The following PLCE1 variants were observed in gnomAD, a reference collection of about 807,000 sequenced individuals.
PLCE1 encodes the protein phospholipase C epsilon 1, also known as 1-phosphatidylinositol 4,5-bisphosphate phosphodiesterase epsilon-1.
Under a neutral mutation model 242.8 loss-of-function variants are expected in PLCE1, and 119 were observed. The observed-to-expected ratio is 0.49, with a 90% CI of 0.42 to 0.57. PLCE1 has a LOEUF of 0.57. Ranked by LOEUF, PLCE1 falls within the 20% of genes least tolerant of loss-of-function variation. The probability of loss-of-function intolerance (pLI) is 0.00; values close to 1 mark genes in which losing one functional copy is unlikely to be tolerated. For synonymous variants in PLCE1, 945 were observed against 1,017.4 expected, an observed-to-expected ratio of 0.93 and a Z score of 1.35; for missense variants, 2,441 against 2,788.8, an observed-to-expected ratio of 0.88 and a Z score of 2.81.
Position 94,283,831 on chromosome 10 carries a change from G to T in PLCE1, c.4837G>T (p.Asp1613Tyr). 1.2e-6 allele frequency: 2 copies of T among 1,612,258 alleles called. No individual in the cohort carries two copies. The highest frequency in any genetic ancestry group is 2.2e-5 in the South Asian group (2 of 90,954). Residue 1613 changes from aspartate to tyrosine, a missense_variant, in exon 21 of 33, where the codon GAC becomes TAC. This residue lies in a region of PLCE1 where 1,004 missense variants were observed against 1,322.7 expected (regional missense o/e 0.76). Coordinates refer to ENST00000371380, the MANE Select transcript of PLCE1 (RefSeq NM_016341.4). ...EDRPENKSCN[D>Y]KLQFEYNEEI... Reference sequence around the variant, plus strand: ...CAGACCTGAAAATAAATCATGTAATGACAAGCTTCAGTTTGAATATAATGA... The same window carrying T: ...CAGACCTGAAAATAAATCATGTAATTACAAGCTTCAGTTTGAATATAATGA...
At chr10:94,024,236 T>A (rs1000282699) in intron 1 of PLCE1, among the ~76,000 whole-genome samples, 2 of 152,134 alleles carry the variant, frequency 1.3e-5, no homozygotes, top group Admixed American at 6.5e-5. Flanking sequence ...CTGACCAATG[T>A]TGGTTGGTTG....
chr10:94,112,305 T>C (rs1208627946), intron 2 of PLCE1, among the ~76,000 whole-genome samples: 13 of 152,218 alleles, frequency 8.5e-5, no homozygotes, highest in Non-Finnish European at 1.8e-4. Flanking sequence ...TTCAATTAGG[T>C]TGAATGATAT....
intron 4 of PLCE1, among the ~76,000 whole-genome samples, chr10:94,188,602 G>C (rs1236576139): frequency 6.6e-6 from 1 of 151,932 alleles, no homozygotes; most frequent in African/African-American, 2.4e-5. Flanking sequence ...TGTTTGTTTT[G>C]TTTTGTTTTG....
chr10:94,084,973 A>G (rs2044761919), intron 2 of PLCE1, among the ~76,000 whole-genome samples: 1 of 152,244 alleles, frequency 6.6e-6, no homozygotes, highest in Admixed American at 6.5e-5. Flanking sequence ...AGAATGACAT[A>G]GTAAATAAAT....
Position 94,265,066 on chromosome 10 carries a change from A to T in PLCE1, c.4054-581A>T, listed in dbSNP as rs1305970009. Among the ~76,000 whole-genome samples, 3 of 152,232 alleles carry T rather than the reference A, an allele frequency of 2.0e-5. No individual in the cohort carries two copies. In the East Asian group the frequency reaches 5.8e-4, roughly 29 times the overall value. On this transcript the variant is annotated intron_variant, in intron 14 of 32. Transcript: ENST00000371380. The stretch of plus-strand genomic sequence containing the variant: ...GGAAGCTATCATAGTAACCAGCAAT[A>T]GCTGGTGAAGGTTTACACTACAGGG...
At chr10:94,142,977 G>A (rs1028021546) in intron 3 of PLCE1, among the ~76,000 whole-genome samples, 7 of 152,158 alleles carry the variant, frequency 4.6e-5, no homozygotes, top group South Asian at 2.1e-4. Context: ...CTTTACTTTC[G>A]AGGGATTTAC....
intron 4 of PLCE1, among the ~76,000 whole-genome samples, chr10:94,208,116 G>C (rs1042922613): frequency 1.3e-5 from 2 of 152,198 alleles, no homozygotes; most frequent in Non-Finnish European, 2.9e-5. Flanking sequence ...TCCTAGAATA[G>C]TGCCTCACAA....
rs1052185321 is a variant in PLCE1 at position 94,255,134 on chromosome 10, A to C, written c.3554+85A>C. ...GGCATATCTTTACAGTTGTCTATGG[A>C]AAGACTATTTCACATTTTGATGTAT... On this transcript the variant is annotated intron_variant, in intron 11 of 32. Transcript: ENST00000371380. 10 of 1,480,668 alleles carry C rather than the reference A, an allele frequency of 6.8e-6. No homozygotes were observed. The Admixed American group carries it at 1.7e-4, about 26-fold the overall frequency. 91.7% of individuals were successfully genotyped at this position (1,480,668 alleles called of 1,614,324 possible).
chr10:94,185,747 A>T (rs2048458103), intron 4 of PLCE1, among the ~76,000 whole-genome samples: 1 of 152,228 alleles, frequency 6.6e-6, no homozygotes, highest in Non-Finnish European at 1.5e-5. Context: ...AAGACTGTGC[A>T]TGCCATGAGA....
At chr10:94,313,708 C>T (rs1313604965) in intron 28 of PLCE1, among the ~76,000 whole-genome samples, 2 of 152,132 alleles carry the variant, frequency 1.3e-5, no homozygotes, top group African/African-American at 4.8e-5. Flanking sequence ...TATACACTTT[C>T]GCCCTAAGCC....
chr10:94,114,915 C>G (rs1458963796), intron 2 of PLCE1, among the ~76,000 whole-genome samples: 1 of 151,984 alleles, frequency 6.6e-6, no homozygotes, highest in Non-Finnish European at 1.5e-5. Context: ...TATCCCTCCC[C>G]CCTTCCCCCA....
chr10:94,173,978 A>C (rs972549039), intron 4 of PLCE1, among the ~76,000 whole-genome samples: 2 of 152,226 alleles, frequency 1.3e-5, no homozygotes, highest in African/African-American at 4.8e-5. Flanking sequence ...ACATCAAAAG[A>C]GAATTTTCAA....
chr10:94,130,783 G>A (rs2046576430), intron 2 of PLCE1, among the ~76,000 whole-genome samples: 1 of 152,188 alleles, frequency 6.6e-6, no homozygotes, highest in Non-Finnish European at 1.5e-5. Flanking sequence ...GAATATCATA[G>A]GACTCGGTGC....
intron 2 of PLCE1, among the ~76,000 whole-genome samples, chr10:94,071,502 T>TTTTTGTTTTTTTTTTTTTTG (rs1215978784): frequency 1.1e-4 from 15 of 133,668 alleles, no homozygotes; most frequent in African/African-American, 4.2e-4. Flanking sequence ...TTCGTTTTTT[T>TTTTTGTTTTTTTTTTTTTTG]TTTTTTTTTT....
Position 94,325,083 on chromosome 10 carries a change from A to G in PLCE1, c.*3A>G, listed in dbSNP as rs1364757088. 6.2e-7 allele frequency: 1 copy of G among 1,613,730 alleles called. No individual in the cohort carries two copies. The highest frequency in any genetic ancestry group is 8.5e-7 in the Non-Finnish European group (1 of 1,179,624). On this transcript the variant is annotated 3_prime_UTR_variant, in exon 32 of 33. Transcript: ENST00000371380. ...ACACAATGGATTACCGACAGTGACT[A>G]AGGGCAGCATGTTTAACCCAGGTAT... is the stretch of plus-strand genomic sequence containing the variant.
chr10:94,318,492 G>T (rs2053654327), intron 29 of PLCE1, among the ~76,000 whole-genome samples: 1 of 152,144 alleles, frequency 6.6e-6, no homozygotes, highest in Non-Finnish European at 1.5e-5. Context: ...TACACTTAAG[G>T]AAATAGATTC....
chr10:94,068,695 A>G (rs1231918122), intron 2 of PLCE1, among the ~76,000 whole-genome samples: 2 of 152,208 alleles, frequency 1.3e-5, no homozygotes, highest in Non-Finnish European at 2.9e-5. Context: ...AGTCCTCATA[A>G]TAACTATATT....
chr10:94,234,697 G>A (rs2050258807), intron 6 of PLCE1, among the ~76,000 whole-genome samples: 2 of 152,184 alleles, frequency 1.3e-5, no homozygotes, highest in South Asian at 2.1e-4. Context: ...AAGAGGGGAA[G>A]TCAACACTGC....
At chr10:94,136,298 GT>G in intron 3 of PLCE1, among the ~76,000 whole-genome samples, 1 of 152,288 alleles carries the variant, frequency 6.6e-6, no homozygotes, top group South Asian at 2.1e-4. Context: ...CAGATGAAGA[GT>G]TCTGGAGCTT....
Sources: allele counts gnomAD v4.1 joint callset (sites outside exome capture counted in the v4.1 genomes callset), GRCh38; gene constraint gnomAD v4.1.1; regional missense constraint gnomAD v4.1.1; transcripts MANE v1.5; gene names NCBI Gene and HGNC (gene_info 2026-07-23, HGNC 2026-07-21).